Variants in CACNB2 observed in about 807,000 individuals in gnomAD.
The protein encoded by CACNB2 is calcium voltage-gated channel auxiliary subunit beta 2.
Under a neutral mutation model 73.3 loss-of-function variants are expected in CACNB2, and 42 were observed. The ratio of observed to expected loss-of-function variants is 0.57; its 90% confidence interval spans 0.45 to 0.74. The LOEUF (loss-of-function observed/expected upper bound fraction) is 0.74. CACNB2 is among the 30% of genes least tolerant of loss of function. The pLI, the probability that CACNB2 is intolerant of heterozygous loss-of-function variation, is 0.00. For missense variants in CACNB2, 940 were observed against 853.0 expected, an observed-to-expected ratio of 1.10 and a Z score of -1.27; for synonymous variants, 348 against 310.3, an observed-to-expected ratio of 1.12 and a Z score of -1.28.
At chr10:18,371,561 T>C (rs867949742) in intron 2 of CACNB2, among the ~76,000 whole-genome samples, 3 of 152,214 alleles carry the variant, frequency 2.0e-5, no homozygotes, top group African/African-American at 7.2e-5. Context: ...CATAGTATTC[T>C]ATGGTGTATA....
chr10:18,529,864 T>G (rs964391635), intron 10 of CACNB2, among the ~76,000 whole-genome samples: 1 of 152,200 alleles, frequency 6.6e-6, no homozygotes, highest in African/African-American at 2.4e-5. Context: ...TCACAAGAAT[T>G]ACTGCTAATA....
At chr10:18,527,558 A>T (rs777770484) in intron 9 of CACNB2, 30 bp from the exon 10 acceptor site, 10 of 1,430,068 alleles carry the variant, frequency 7.0e-6, no homozygotes, top group Non-Finnish European at 9.9e-6. Context: ...CAATAACCTT[A>T]AGGTCTTCTG....
chr10:18,506,466 T>G lies in CACNB2; in HGVS notation c.594-5T>G. 2 of 1,599,180 alleles carry G rather than the reference T, an allele frequency of 1.3e-6. No individual in the cohort carries two copies. Among genetic ancestry groups the G allele is most frequent in the Non-Finnish European group, 1.7e-6 (2 of 1,166,644 alleles). On this transcript the variant is annotated splice_region_variant and splice_polypyrimidine_tract_variant and intron_variant, in intron 5 of 13. Coordinates refer to ENST00000324631, the MANE Select transcript of CACNB2 (RefSeq NM_201596.3). ...GATTTAATAGAAATTTTTGCTTTAC[T>G]CCAGTAAATCAGGAGGAAATTCATC...
intron 2 of CACNB2, among the ~76,000 whole-genome samples, chr10:18,187,722 T>C (rs1338119773): frequency 6.6e-6 from 1 of 152,252 alleles, no homozygotes; most frequent in Non-Finnish European, 1.5e-5. Flanking sequence ...TTTCAAGCTG[T>C]TCTTCTAGTA....
intron 2 of CACNB2, among the ~76,000 whole-genome samples, chr10:18,303,748 G>C (rs537790728): frequency 6.6e-6 from 1 of 152,174 alleles, no homozygotes; most frequent in African/African-American, 2.4e-5. Context: ...GTCCAGCGCT[G>C]CCCTTGACTA....
intron 6 of CACNB2, among the ~76,000 whole-genome samples, chr10:18,509,099 A>G (rs899253658): frequency 6.6e-6 from 1 of 152,222 alleles, no homozygotes; most frequent in Non-Finnish European, 1.5e-5. Context: ...TACAAAATGT[A>G]TAATAAGCAT....
chr10:18,226,206 T>G (rs1193930086), intron 2 of CACNB2, among the ~76,000 whole-genome samples: 2 of 152,010 alleles, frequency 1.3e-5, no homozygotes, highest in South Asian at 4.2e-4. Flanking sequence ...TTTGTATTTT[T>G]GGTAGCGAAG....
intron 6 of CACNB2, among the ~76,000 whole-genome samples, chr10:18,510,515 T>A (rs769134541): frequency 1.3e-5 from 2 of 152,102 alleles, no homozygotes; most frequent in Non-Finnish European, 2.9e-5. Context: ...GTTGGCCAGG[T>A]TGGCCTCGAA....
intron 3 of CACNB2, among the ~76,000 whole-genome samples, chr10:18,483,303 G>A (rs534505446): frequency 1.1e-4 from 17 of 151,748 alleles, no homozygotes; most frequent in African/African-American, 1.4e-4. Context: ...GGCCGAGGCC[G>A]GTGGATCACC....
chr10:18,288,799 C>T (rs1184737872), intron 2 of CACNB2, among the ~76,000 whole-genome samples: 1 of 152,118 alleles, frequency 6.6e-6, no homozygotes, highest in African/African-American at 2.4e-5. Context: ...AATCCCAGCA[C>T]TTTGGGGGGC....
intron 2 of CACNB2, among the ~76,000 whole-genome samples, chr10:18,360,060 G>T (rs988672726): frequency 5.3e-5 from 8 of 152,156 alleles, no homozygotes; most frequent in Admixed American, 2.0e-4. Context: ...GCGTCACACA[G>T]AGCAGGTGCT....
chr10:18,371,171 A>C (rs1256203762), intron 2 of CACNB2, among the ~76,000 whole-genome samples: 3 of 151,954 alleles, frequency 2.0e-5, no homozygotes, highest in Non-Finnish European at 4.4e-5. Flanking sequence ...AAACATGTGC[A>C]TATTTCTGAT....
chr10:18,448,054 C>T (rs1244608754), intron 3 of CACNB2, among the ~76,000 whole-genome samples: 4 of 152,108 alleles, frequency 2.6e-5, no homozygotes, highest in African/African-American at 9.7e-5. Flanking sequence ...CGTAGTGGTA[C>T]AGTCACAGCT....
intron 2 of CACNB2, among the ~76,000 whole-genome samples, chr10:18,278,210 TG>T (rs1184584015): frequency 2.6e-5 from 4 of 152,246 alleles, no homozygotes; most frequent in Admixed American, 2.0e-4. Context: ...CTGGGCACAG[TG>T]TCCCACACCT....
chr10:18,190,417 AC>A (rs1475075132), intron 2 of CACNB2, among the ~76,000 whole-genome samples: 2 of 152,112 alleles, frequency 1.3e-5, no homozygotes, highest in African/African-American at 2.4e-5. Context: ...CCCGAGAGTG[AC>A]CCTTCTGTGT....
chr10:18,178,536 T>C (rs2033716863), intron 2 of CACNB2, among the ~76,000 whole-genome samples: 1 of 152,194 alleles, frequency 6.6e-6, no homozygotes, highest in Non-Finnish European at 1.5e-5. Context: ...ATTCCTTTTA[T>C]TTTTATTATT....
chr10:18,227,227 G>A (rs2036027669), intron 2 of CACNB2, among the ~76,000 whole-genome samples: 1 of 152,080 alleles, frequency 6.6e-6, no homozygotes, highest in African/African-American at 2.4e-5. Context: ...AGAAGGAGAA[G>A]GGGCAGTGCC....
intron 3 of CACNB2, among the ~76,000 whole-genome samples, chr10:18,403,733 T>C (rs1160059702): frequency 6.6e-6 from 1 of 152,038 alleles, no homozygotes; most frequent in Non-Finnish European, 1.5e-5. Context: ...CCTAAAAAGA[T>C]GATAGTTAGA....
intron 2 of CACNB2, among the ~76,000 whole-genome samples, chr10:18,349,460 A>G (rs1318900874): frequency 6.6e-6 from 1 of 152,178 alleles, no homozygotes; most frequent in Non-Finnish European, 1.5e-5. Context: ...ATATTGGTTT[A>G]ATTTCCACAA....
Sources: allele counts gnomAD v4.1 joint callset (sites outside exome capture counted in the v4.1 genomes callset), GRCh38; gene constraint gnomAD v4.1.1; transcripts MANE v1.5; gene names NCBI Gene and HGNC (gene_info 2026-07-23, HGNC 2026-07-21).